The following DAB1 variants were observed in gnomAD, a reference collection of about 807,000 sequenced individuals.
The protein encoded by DAB1 is DAB adaptor protein 1, also known as disabled homolog 1.
Under a neutral mutation model 64.6 loss-of-function variants are expected in DAB1, and 15 were observed. That is an observed-to-expected ratio of 0.23 (90% CI 0.16 to 0.36). The LOEUF is 0.36. Among genes scored for constraint, DAB1 ranks in the 10% least tolerant of loss-of-function variants. DAB1 has a pLI of 1.00. For synonymous variants in DAB1, 235 were observed against 251.9 expected (o/e 0.93, Z 0.64); for missense variants, 596 against 706.7 (o/e 0.84, Z 1.78).
At chr1:57,679,723 G>A (rs982637393) in intron 6 of DAB1, among the ~76,000 whole-genome samples, 2 of 152,140 alleles carry the variant, frequency 1.3e-5, no homozygotes, top group African/African-American at 2.4e-5. Flanking sequence ...AAAACAAAGT[G>A]GGAGAGACAT....
intron 7 of DAB1, among the ~76,000 whole-genome samples, chr1:57,524,286 A>G (rs886733499): frequency 2.6e-5 from 4 of 152,232 alleles, no homozygotes; most frequent in Admixed American, 6.5e-5. Flanking sequence ...TGAGAATCCA[A>G]TACAGTGACT....
chr1:58,028,452 A>G (rs1477970386), intron 5 of DAB1, among the ~76,000 whole-genome samples: 1 of 152,142 alleles, frequency 6.6e-6, no homozygotes, highest in African/African-American at 2.4e-5. Context: ...GAAAAATTGG[A>G]GTGTCTTGTC....
At chr1:58,031,693 C>T (rs974310436) in intron 5 of DAB1, among the ~76,000 whole-genome samples, 3 of 152,100 alleles carry the variant, frequency 2.0e-5, no homozygotes, top group Non-Finnish European at 2.9e-5. Flanking sequence ...CAGATACATG[C>T]GAATAACAAA....
chr1:58,340,270 T>C (rs1234969202), intron 4 of DAB1, among the ~76,000 whole-genome samples: 1 of 152,188 alleles, frequency 6.6e-6, no homozygotes, highest in Non-Finnish European at 1.5e-5. Flanking sequence ...TATTGTTCTT[T>C]ATTAGGTGCT....
At chr1:57,255,706 T>C (rs887596234) in intron 2 of DAB1, among the ~76,000 whole-genome samples, 6 of 152,014 alleles carry the variant, frequency 3.9e-5, no homozygotes, top group Non-Finnish European at 4.4e-5. Flanking sequence ...AAGAATATTC[T>C]ACCTTCTTAC....
At chr1:58,309,539 A>C (rs1662381502) in intron 4 of DAB1, among the ~76,000 whole-genome samples, 1 of 152,178 alleles carries the variant, frequency 6.6e-6, no homozygotes, top group South Asian at 2.1e-4. Flanking sequence ...CAGACTCAGT[A>C]ACTTGTCCCA....
intron 4 of DAB1, among the ~76,000 whole-genome samples, chr1:58,170,362 T>C (rs1173232047): frequency 6.6e-6 from 1 of 151,966 alleles, no homozygotes. Flanking sequence ...CTTAAGAAAA[T>C]AGACTCCCCT....
At position 57,069,476 on chromosome 1, in the gene DAB1, G is replaced by C. The variant is rs759403691; in HGVS notation, c.598-51C>G. The C allele has an allele frequency of 1.4e-5, 21 of 1,462,702 alleles. No individual in the cohort carries two copies. In the East Asian group the frequency reaches 4.6e-4, roughly 32 times the overall value. 90.6% of individuals were successfully genotyped at this position (1,462,702 alleles called of 1,614,324 possible). A position where few individuals can be genotyped will look rare whatever the true frequency, so the allele number is the denominator to read the frequency against. On this transcript the variant is annotated intron_variant, in intron 7 of 14. Coordinates refer to ENST00000371236, the MANE Select transcript of DAB1 (RefSeq NM_001365792.1). ...AAGGTCAGAGGTGAAAAAGAAGAAA[G>C]GTAAAACAAGCATTTGGAAATTAAG... is the stretch of plus-strand genomic sequence containing the variant.
intron 2 of DAB1, among the ~76,000 whole-genome samples, chr1:57,194,437 T>C (rs1029550151): frequency 1.3e-5 from 2 of 152,178 alleles, no homozygotes; most frequent in African/African-American, 4.8e-5. Flanking sequence ...TTAGATGCTT[T>C]TCCTGATGCT....
chr1:57,032,079 A>G (rs945263999), intron 9 of DAB1, among the ~76,000 whole-genome samples: 6 of 152,204 alleles, frequency 3.9e-5, no homozygotes, highest in African/African-American at 1.4e-4. Context: ...GTTCAAGATT[A>G]GTATACTGGT....
intron 4 of DAB1, among the ~76,000 whole-genome samples, chr1:57,078,516 A>C (rs1652195209): frequency 6.6e-6 from 1 of 152,244 alleles, no homozygotes; most frequent in Non-Finnish European, 1.5e-5. Context: ...AATGAAAAAA[A>C]CAGAAAAGAT....
chr1:58,228,628 G>A (rs1659617834), intron 4 of DAB1: 14 of 810,476 alleles, frequency 1.7e-5, no homozygotes, highest in South Asian at 5.7e-5. Flanking sequence ...CCCCTTGTGC[G>A]AGGTTCACAT....
chr1:58,389,766 C>CTTACTG (rs942048590), intron 3 of DAB1, among the ~76,000 whole-genome samples: 12 of 152,096 alleles, frequency 7.9e-5, no homozygotes, highest in Admixed American at 7.9e-4. Context: ...TCAGTGCTGG[C>CTTACTG]AGGGGAGAGA....
intron 5 of DAB1, among the ~76,000 whole-genome samples, chr1:57,889,662 C>G (rs1644276924): frequency 6.6e-6 from 1 of 152,140 alleles, no homozygotes; most frequent in Non-Finnish European, 1.5e-5. Flanking sequence ...TGCAGGGGAG[C>G]TATGGACAGG....
At chr1:58,030,916 A>G (rs1356103421) in intron 5 of DAB1, among the ~76,000 whole-genome samples, 2 of 152,232 alleles carry the variant, frequency 1.3e-5, no homozygotes, top group African/African-American at 4.8e-5. Context: ...CCTAATACAT[A>G]AACAAATGAA....
chr1:58,048,484 A>G, intron 5 of DAB1: 2 of 1,284,770 alleles, frequency 1.6e-6, no homozygotes, highest in South Asian at 1.2e-5. Context: ...AACCCTGTCC[A>G]CCACTTCCAT....
intron 1 of DAB1, among the ~76,000 whole-genome samples, chr1:57,850,536 A>G (rs1370924167): frequency 6.6e-6 from 1 of 152,122 alleles, no homozygotes; most frequent in Non-Finnish European, 1.5e-5. Context: ...AAGAAATAAA[A>G]TACAAGACAC....
At chr1:57,742,710 G>A (rs988344284) in intron 6 of DAB1, among the ~76,000 whole-genome samples, 3 of 152,120 alleles carry the variant, frequency 2.0e-5, no homozygotes, top group Non-Finnish European at 2.9e-5. Flanking sequence ...GGGCTGTCTG[G>A]GAATATGCCT....
intron 1 of DAB1, among the ~76,000 whole-genome samples, chr1:57,367,184 A>G (rs77486785): frequency 0.026 from 3,917 of 152,110 alleles, 73 homozygotes; most frequent in African/African-American, 0.043. Flanking sequence ...CTGACTTGGG[A>G]GGACCACTTC....
Sources: gnomAD v4.1 joint callset for allele counts (sites outside exome capture counted in the v4.1 genomes callset) on GRCh38, gnomAD v4.1.1 for gene constraint, MANE v1.5 for transcripts, NCBI Gene and HGNC (gene_info 2026-07-23, HGNC 2026-07-21) for gene names.